Variants in LRRC56 observed in about 807,000 individuals in gnomAD.
LRRC56 encodes leucine-rich repeat-containing protein 56.
LRRC56 carries 41 observed loss-of-function variants against 47.8 expected under a neutral mutation model. The observed-to-expected ratio is 0.86, with a 90% confidence interval of 0.67 to 1.11. The LOEUF (loss-of-function observed/expected upper bound fraction) is 1.11. LRRC56 is among the 50% of genes most tolerant of loss of function. LRRC56 has a pLI of 0.00. For synonymous variants in LRRC56, 387 were observed against 311.2 expected (o/e 1.24, Z -2.56); for missense variants, 759 against 704.2 (o/e 1.08, Z -0.88).
the LRRC56 span, among the ~76,000 whole-genome samples, chr11:526,192 G>A: frequency 6.6e-6 from 1 of 152,162 alleles, no homozygotes; most frequent in East Asian, 1.9e-4. Flanking sequence ...GGGCGACAGT[G>A]AGACTCCGTC....
chr11:516,889 G>A, the LRRC56 span, among the ~76,000 whole-genome samples: 2 of 152,044 alleles, frequency 1.3e-5, no homozygotes, highest in East Asian at 3.9e-4. Context: ...TCCCTCTGTT[G>A]CCGAGGCTGG....
intron 8 of LRRC56, among the ~76,000 whole-genome samples, chr11:550,881 G>T (rs1225134155): frequency 6.6e-6 from 1 of 152,182 alleles, no homozygotes; most frequent in Non-Finnish European, 1.5e-5. Context: ...TGGGCCAGAG[G>T]GCATCCCTGG....
chr11:518,078 C>T, the LRRC56 span, among the ~76,000 whole-genome samples: 15 of 152,276 alleles, frequency 9.9e-5, no homozygotes, highest in East Asian at 1.2e-3. Context: ...CCTTTGTTCA[C>T]GTGTTTATCT....
the LRRC56 span, chr11:532,138 C>T: frequency 4.2e-6 from 1 of 238,606 alleles, no homozygotes; most frequent in Non-Finnish European, 8.4e-6. Flanking sequence ...ACCTCCCCCT[C>T]CCAAAGGCTA....
chr11:518,229 C>T, the LRRC56 span, among the ~76,000 whole-genome samples: 2 of 151,808 alleles, frequency 1.3e-5, no homozygotes, highest in Admixed American at 6.6e-5. Context: ...GTCGCCTAGG[C>T]TGGAGTGCAG....
chr11:531,440 G>A, the LRRC56 span, among the ~76,000 whole-genome samples: 48 of 152,304 alleles, frequency 3.2e-4, no homozygotes, highest in African/African-American at 1.1e-3. Context: ...AGCTGTCTGT[G>A]GCTGTGGCCA....
the LRRC56 span, among the ~76,000 whole-genome samples, chr11:525,153 C>G: frequency 6.6e-6 from 1 of 151,778 alleles, no homozygotes. Flanking sequence ...CCTGTAATCC[C>G]AGCACTTTGG....
chr11:532,221 A>G, the LRRC56 span: 1 of 370,730 alleles, frequency 2.7e-6, no homozygotes, highest in African/African-American at 2.0e-5. Flanking sequence ...ACCGTGTCCC[A>G]CCCTCAGCCG....
At chr11:521,669 C>T in the LRRC56 span, among the ~76,000 whole-genome samples, 11 of 152,172 alleles carry the variant, frequency 7.2e-5, no homozygotes, top group Non-Finnish European at 1.3e-4. Context: ...AATCCCAGCA[C>T]TTTGGGAGAC....
At chr11:522,043 T>C in the LRRC56 span, among the ~76,000 whole-genome samples, 1 of 152,038 alleles carries the variant, frequency 6.6e-6, no homozygotes, top group Non-Finnish European at 1.5e-5. Context: ...AATCCAAATA[T>C]ATCAATAATT....
upstream of LRRC56, chr11:535,584 C>T (rs1378667635): frequency 2.0e-5 from 3 of 150,086 alleles, no homozygotes; most frequent in East Asian, 2.0e-4. Context: ...CCTGCGCACG[C>T]CCCGCCCCGC....
In LRRC56 at chr11:540,861, G is replaced by A. The variant is rs1851762012; in HGVS notation, c.177G>A (p.Leu59=). 1 of 1,550,356 alleles carries A rather than the reference G, an allele frequency of 6.5e-7. No homozygotes were observed. Among genetic ancestry groups the A allele is most frequent in the Non-Finnish European group, 8.7e-7 (1 of 1,146,384 alleles). Residue 59 remains leucine (L), a splice_region_variant and synonymous_variant, in exon 4 of 14, where the codon CTG becomes CTA. Coordinates refer to ENST00000270115, the MANE Select transcript of LRRC56 (RefSeq NM_198075.4). ...LVEEYLSPAR[L]QALARVDDLR... The stretch of plus-strand genomic sequence containing the variant: ...AAGAGTACCTGTCCCCTGCCCGGCT[G>A]GTGAGTGTGGGCGCTGGGGGCTGTG...
upstream of LRRC56, chr11:532,777 C>T: frequency 2.5e-6 from 4 of 1,610,806 alleles, no homozygotes; most frequent in Non-Finnish European, 3.4e-6. Flanking sequence ...GGGATGGGAT[C>T]AGGAGGGACC....
the LRRC56 span, chr11:532,299 G>A: frequency 2.1e-5 from 10 of 485,608 alleles, no homozygotes; most frequent in African/African-American, 1.3e-4. Flanking sequence ...GGCCCACAGA[G>A]GCCTGGGAGG....
intron 9 of LRRC56, 78 bp downstream of exon 9, chr11:551,380 A>C: frequency 1.0e-6 from 1 of 981,674 alleles, no homozygotes; most frequent in Non-Finnish European, 1.5e-6. Context: ...CAGGCTTCTC[A>C]GAAACGGATA....
the LRRC56 span, among the ~76,000 whole-genome samples, chr11:512,094 C>T: frequency 6.6e-6 from 1 of 151,988 alleles, no homozygotes; most frequent in African/African-American, 2.4e-5. Context: ...CAGGTGCGTG[C>T]CACCACACCC....
upstream of LRRC56, among the ~76,000 whole-genome samples, chr11:535,026 C>T (rs12576769): frequency 0.099 from 15,120 of 152,180 alleles, 881 homozygotes; most frequent in South Asian, 0.19. Flanking sequence ...GGGGCTGAGG[C>T]CCCCGGCCTG....
intron 6 of LRRC56, among the ~76,000 whole-genome samples, chr11:546,309 C>A (rs1406738353): frequency 6.6e-6 from 1 of 152,084 alleles, no homozygotes; most frequent in African/African-American, 2.4e-5. Flanking sequence ...TGGTTCACGC[C>A]TGTAATCCCA....
chr11:551,724 C>T lies in LRRC56; in HGVS notation c.870C>T (p.Ser290=). Reference sequence around the variant, plus strand: ...TGCCTGAGACGCAGTCCCGGGCCTCCAGGCCCTGGCCCTTCTCCCTGCTGG... The same window carrying T: ...TGCCTGAGACGCAGTCCCGGGCCTCTAGGCCCTGGCCCTTCTCCCTGCTGG... The part of the protein sequence containing the change: ...LSLPETQSRA[S]RPWPFSLLVR... Residue 290 remains serine, a synonymous_variant, in exon 10 of 14, where the codon TCC becomes TCT. Coordinates refer to ENST00000270115, the MANE Select transcript of LRRC56 (RefSeq NM_198075.4). 3 of 1,611,458 alleles carry T rather than the reference C, an allele frequency of 1.9e-6. No homozygotes were observed. Among genetic ancestry groups the T allele is most frequent in the Non-Finnish European group, 2.5e-6 (3 of 1,179,222 alleles).
Sources: allele counts gnomAD v4.1 joint callset (sites outside exome capture counted in the v4.1 genomes callset), GRCh38; gene constraint gnomAD v4.1.1; transcripts MANE v1.5; gene names NCBI Gene and HGNC (gene_info 2026-07-23, HGNC 2026-07-21).